Variants in CHSY3 observed in about 807,000 individuals in gnomAD.
CHSY3 encodes N-acetylgalactosaminyl-proteoglycan 3-beta-glucuronosyltransferase 3.
CHSY3 carries 35 observed loss-of-function variants against 67.2 expected under a neutral mutation model. The observed-to-expected ratio is 0.52, with a 90% confidence interval of 0.40 to 0.69. The LOEUF (loss-of-function observed/expected upper bound fraction) is 0.69. Among genes scored for constraint, CHSY3 ranks in the 30% least tolerant of loss-of-function variants. The pLI, the probability that CHSY3 is intolerant of heterozygous loss-of-function variation, is 0.00. For synonymous variants in CHSY3, 474 were observed against 434.7 expected (o/e 1.09, Z -1.12); for missense variants, 1,069 against 1,138.5 (o/e 0.94, Z 0.88).
chr5:129,956,654 G>A (rs1762183540), intron 2 of CHSY3, among the ~76,000 whole-genome samples: 1 of 151,988 alleles, frequency 6.6e-6, no homozygotes, highest in South Asian at 2.1e-4. Context: ...GTATAAAGAA[G>A]GGGTCCAGTT....
chr5:130,179,551 T>C (rs966795544), intron 2 of CHSY3, among the ~76,000 whole-genome samples: 3 of 152,148 alleles, frequency 2.0e-5, no homozygotes, highest in African/African-American at 7.2e-5. Context: ...TTTATTTCTT[T>C]GTTCTTTGAG....
intron 1 of CHSY3, among the ~76,000 whole-genome samples, chr5:129,906,251 A>AGC (rs1299018625): frequency 1.3e-5 from 2 of 151,904 alleles, no homozygotes; most frequent in Non-Finnish European, 1.5e-5. Context: ...CCACCGTGCC[A>AGC]GCGCGCTGCT....
intron 2 of CHSY3, among the ~76,000 whole-genome samples, chr5:129,914,583 A>T (rs1052557272): frequency 6.6e-6 from 1 of 152,204 alleles, no homozygotes; most frequent in African/African-American, 2.4e-5. Context: ...TAACTTTACT[A>T]AAAGCAGTAA....
intron 2 of CHSY3, among the ~76,000 whole-genome samples, chr5:130,037,866 A>T (rs982194970): frequency 1.6e-4 from 24 of 152,100 alleles, no homozygotes; most frequent in South Asian, 4.1e-4. Context: ...TATAGAGACA[A>T]GAATGCAGAT....
At position 129,907,954 on chromosome 5, in the gene CHSY3, T is replaced by C. The variant is rs943001538; in HGVS notation, c.803-123T>C. The C allele has an allele frequency of 2.9e-5, 42 of 1,441,670 alleles. No individual in the cohort carries two copies. In the African/African-American group the frequency reaches 5.9e-4, roughly 20 times the overall value. The allele number at this position is 1,441,670 out of a possible 1,614,324, so 89.3% of individuals were successfully genotyped here. ...TAGAGTATTGGAAGAGGCTTTTTCT[T>C]CTTTTCAGTTGTGTAAGACTGAGGA... On this transcript the variant is annotated intron_variant, in intron 1 of 2. Transcript: ENST00000305031.
At chr5:130,028,402 A>G (rs1232929356) in intron 2 of CHSY3, among the ~76,000 whole-genome samples, 1 of 152,276 alleles carries the variant, frequency 6.6e-6, no homozygotes, top group East Asian at 1.9e-4. Context: ...AAAACAAGAA[A>G]TGGGGAAAGG....
intron 2 of CHSY3, among the ~76,000 whole-genome samples, chr5:130,106,996 A>G (rs1767430247): frequency 6.6e-6 from 1 of 151,500 alleles, no homozygotes; most frequent in Non-Finnish European, 1.5e-5. Flanking sequence ...TTAATTAACA[A>G]TTCTCATTTT....
chr5:130,056,672 CA>C (rs1469101379), intron 2 of CHSY3, among the ~76,000 whole-genome samples: 1 of 152,174 alleles, frequency 6.6e-6, no homozygotes, highest in Admixed American at 6.5e-5. Flanking sequence ...ATGCAGTGCA[CA>C]GAGTAGTGTA....
At position 129,905,555 on chromosome 5, in the gene CHSY3, G is replaced by T; in HGVS notation, c.726G>T (p.Met242Ile). The T allele has an allele frequency of 1.2e-6, 2 of 1,613,762 alleles. No individual in the cohort carries two copies. The highest frequency in any genetic ancestry group is 1.7e-6 in the Non-Finnish European group (2 of 1,180,026). ...CTCCCCAGAAAAAGTCCTTCATGATGATCAAGTACATGCACGACCACTACC... is the reference window on the plus strand; with the variant it reads ...CTCCCCAGAAAAAGTCCTTCATGATTATCAAGTACATGCACGACCACTACC... ...SYPPQKKSFM[M>I]IKYMHDHYLD... The change falls in exon 1 of 3, where the codon ATG becomes ATT. Residue 242 changes from methionine (M) to isoleucine (I), a missense_variant. Met to Ile is a conservative substitution (Grantham distance 10). Coordinates refer to ENST00000305031, the MANE Select transcript of CHSY3 (RefSeq NM_175856.5).
Position 129,931,470 on chromosome 5 carries a change from A to T in CHSY3, c.1086+23110A>T, listed in dbSNP as rs188610055. On this transcript the variant is annotated intron_variant, in intron 2 of 2. Transcript: ENST00000305031. ...ACCAGCTGAATGCTATAGATATTTG[A>T]TCTATAGATATTTGAATAGATGTGT... Among the ~76,000 whole-genome samples the T allele has an allele frequency of 5.9e-5, 9 of 152,318 alleles. No individual in the cohort carries two copies. In the East Asian group the frequency reaches 1.5e-3, roughly 26 times the overall value.
chr5:129,965,122 G>C (rs1762434568), intron 2 of CHSY3, among the ~76,000 whole-genome samples: 1 of 151,896 alleles, frequency 6.6e-6, no homozygotes, highest in Admixed American at 6.6e-5. Flanking sequence ...CCTTCCAGGG[G>C]GAAGAGGCAA....
chr5:130,144,528 C>T (rs1769013016), intron 2 of CHSY3, among the ~76,000 whole-genome samples: 1 of 152,020 alleles, frequency 6.6e-6, no homozygotes, highest in Non-Finnish European at 1.5e-5. Flanking sequence ...TGGAAAGAAA[C>T]CCCATGTTCA....
At chr5:130,124,144 T>A (rs1282734188) in intron 2 of CHSY3, among the ~76,000 whole-genome samples, 1 of 150,370 alleles carries the variant, frequency 6.7e-6, no homozygotes, top group Non-Finnish European at 1.5e-5. Flanking sequence ...AGTTAAATGA[T>A]AAAATAGAAA....
At chr5:130,080,619 A>G (rs1766415454) in intron 2 of CHSY3, among the ~76,000 whole-genome samples, 1 of 152,092 alleles carries the variant, frequency 6.6e-6, no homozygotes, top group South Asian at 2.1e-4. Context: ...GAACAGAATG[A>G]CCTCTCTTTT....
At chr5:130,049,870 C>T (rs1765279064) in intron 2 of CHSY3, among the ~76,000 whole-genome samples, 1 of 151,242 alleles carries the variant, frequency 6.6e-6, no homozygotes, top group African/African-American at 2.4e-5. Flanking sequence ...AAAGTTAGTA[C>T]AATGGGAGAA....
chr5:129,919,422 TAGAG>T (rs1382687107), intron 2 of CHSY3, among the ~76,000 whole-genome samples: 5 of 152,156 alleles, frequency 3.3e-5, no homozygotes, highest in African/African-American at 9.7e-5. Context: ...ACACTGCTGA[TAGAG>T]AGATACATGA....
intron 2 of CHSY3, among the ~76,000 whole-genome samples, chr5:129,975,361 A>G (rs534963989): frequency 7.3e-4 from 111 of 152,322 alleles, no homozygotes; most frequent in African/African-American, 2.6e-3. Context: ...TTTATAATTT[A>G]TGACATTACA....
chr5:130,176,852 A>C (rs1770069512), intron 2 of CHSY3, among the ~76,000 whole-genome samples: 1 of 152,122 alleles, frequency 6.6e-6, no homozygotes, highest in Non-Finnish European at 1.5e-5. Context: ...GGAGTGGGAT[A>C]CTAGGGGAGG....
At chr5:130,123,408 T>C (rs1388131819) in intron 2 of CHSY3, among the ~76,000 whole-genome samples, 1 of 152,150 alleles carries the variant, frequency 6.6e-6, no homozygotes, top group African/African-American at 2.4e-5. Flanking sequence ...ATGAAACTAT[T>C]CCACCTCAAG....
Sources: gnomAD v4.1 joint callset for allele counts (sites outside exome capture counted in the v4.1 genomes callset) on GRCh38, gnomAD v4.1.1 for gene constraint, MANE v1.5 for transcripts, NCBI Gene and HGNC (gene_info 2026-07-23, HGNC 2026-07-21) for gene names.